LIN28B: variants seen among roughly 807,000 people sequenced by gnomAD.
LIN28B encodes lin-28 RNA binding posttranscriptional regulator B.
In LIN28B, 5 loss-of-function variants were observed where a neutral mutation model predicts 21.9. That is an observed-to-expected ratio of 0.23 (90% CI 0.12 to 0.48). The LOEUF is 0.48. LIN28B is among the 20% of genes least tolerant of loss of function. LIN28B has a pLI of 0.98. For missense variants in LIN28B, 245 were observed against 310.5 expected (o/e 0.79, Z 1.58); for synonymous variants, 109 against 111.3 (o/e 0.98, Z 0.13).
intron 2 of LIN28B, among the ~76,000 whole-genome samples, chr6:105,001,694 A>C (rs1770724306): frequency 6.6e-6 from 1 of 152,186 alleles, no homozygotes; most frequent in African/African-American, 2.4e-5. Flanking sequence ...GAAAGAAGTT[A>C]TGGGGAAATG....
chr6:104,942,011 G>A (rs1778101446), intron 2 of LIN28B, among the ~76,000 whole-genome samples: 1 of 152,158 alleles, frequency 6.6e-6, no homozygotes, highest in South Asian at 2.1e-4. Flanking sequence ...AATCTTAGGT[G>A]CCTGTGTTTC....
intron 2 of LIN28B, among the ~76,000 whole-genome samples, chr6:104,977,120 C>T (rs114334249): frequency 0.017 from 2,610 of 151,868 alleles, 75 homozygotes; most frequent in African/African-American, 0.06. Context: ...TCTTGTACTC[C>T]GAGACTCAAG....
intron 2 of LIN28B, among the ~76,000 whole-genome samples, chr6:105,016,613 C>T (rs75063696): frequency 1.3e-5 from 2 of 152,132 alleles, no homozygotes; most frequent in East Asian, 3.9e-4. Flanking sequence ...TTTCTGCCTC[C>T]CTCCCTCTTT....
intron 2 of LIN28B, among the ~76,000 whole-genome samples, chr6:104,967,576 C>CAAAAAAAAAAAA (rs71003462): frequency 1.6e-5 from 1 of 60,736 alleles, no homozygotes; most frequent in Non-Finnish European, 2.9e-5. Flanking sequence ...AACTCCCTCT[C>CAAAAAAAAAAAA]AAAAAAAAAA....
At chr6:104,954,764 CTG>C (rs1426556329), upstream of LIN28B, among the ~76,000 whole-genome samples, 5 of 152,198 alleles carry the variant, frequency 3.3e-5, no homozygotes, top group Admixed American at 2.6e-4. Context: ...TCAGGCAAGA[CTG>C]TGAATCTCAT....
At chr6:105,030,575 A>T (rs1771399187) in intron 3 of LIN28B, among the ~76,000 whole-genome samples, 1 of 148,820 alleles carries the variant, frequency 6.7e-6, no homozygotes, top group Non-Finnish European at 1.5e-5. Context: ...CTCTTGAATT[A>T]ATTTCTTTCT....
intron 2 of LIN28B, among the ~76,000 whole-genome samples, chr6:104,984,934 C>T (rs746310856): frequency 5.9e-5 from 9 of 152,122 alleles, no homozygotes; most frequent in Non-Finnish European, 1.2e-4. Context: ...ATTTTATCTG[C>T]ATTATTAACA....
In LIN28B at chr6:105,046,094, G is replaced by A. The variant is rs541248256; in HGVS notation, c.383+19612G>A. 9.2e-5 allele frequency among the ~76,000 whole-genome samples: 14 copies of A among 152,018 alleles called. No homozygotes were observed. In the South Asian group the frequency reaches 1.9e-3, roughly 20 times the overall value. ...AGGTTTGTTACATATGTATACATGCGCCATGTTGGTGTGCTGCATCCATTA... is the reference window on the plus strand; with the variant it reads ...AGGTTTGTTACATATGTATACATGCACCATGTTGGTGTGCTGCATCCATTA... On this transcript the variant is annotated intron_variant, in intron 3 of 3. Transcript: ENST00000345080.
intron 2 of LIN28B, among the ~76,000 whole-genome samples, chr6:104,961,193 T>C (rs1562072668): frequency 6.6e-6 from 1 of 152,188 alleles, no homozygotes; most frequent in Non-Finnish European, 1.5e-5. Flanking sequence ...ATTTTATTTT[T>C]AAAAAATTAA....
intron 2 of LIN28B, among the ~76,000 whole-genome samples, chr6:104,948,053 G>A (rs1276624274): frequency 6.6e-6 from 1 of 152,114 alleles, no homozygotes; most frequent in Non-Finnish European, 1.5e-5. Context: ...AGATCTAAAT[G>A]ATGAATGGAG....
At position 105,080,223 on chromosome 6, in the gene LIN28B, G is replaced by T. The variant is rs904232168; in HGVS notation, c.*1440G>T. On this transcript the variant is annotated 3_prime_UTR_variant, in exon 4 of 4. Transcript: ENST00000345080. The stretch of plus-strand genomic sequence containing the variant: ...TCATGGAAAAAAAAATTATTTTGGG[G>T]TCATCCTGGCTCTAGATGTTATGGG... 6.6e-6 allele frequency: 1 copy of T among 152,526 alleles called. No individual in the cohort carries two copies. Among genetic ancestry groups the T allele is most frequent in the Admixed American group, 6.5e-5 (1 of 15,268 alleles). 9.4% of individuals were successfully genotyped at this position (152,526 alleles called of 1,614,324 possible). A position where few individuals can be genotyped will look rare whatever the true frequency, so the allele number is the denominator to read the frequency against.
intron 2 of LIN28B, chr6:104,940,733 C>G (rs1778074205): frequency 6.6e-6 from 1 of 151,004 alleles, no homozygotes; most frequent in African/African-American, 2.4e-5. Flanking sequence ...CCCCGCCACT[C>G]GCCGGGCTGC....
intron 2 of LIN28B, among the ~76,000 whole-genome samples, chr6:104,948,879 A>G (rs1655079850): frequency 6.6e-6 from 1 of 152,170 alleles, no homozygotes; most frequent in Admixed American, 6.5e-5. Context: ...GAAAAATCTG[A>G]ATGTTATTGT....
chr6:105,058,102 T>A (rs1256623302), intron 3 of LIN28B: 1 of 412,096 alleles, frequency 2.4e-6, no homozygotes, highest in Non-Finnish European at 4.8e-6. Context: ...GACGGTGCAT[T>A]TTCTCTGAGG....
chr6:104,967,460 A>C (rs1349185758), intron 2 of LIN28B, among the ~76,000 whole-genome samples: 1 of 151,242 alleles, frequency 6.6e-6, no homozygotes, highest in East Asian at 2.0e-4. Context: ...ACATGCTTGT[A>C]ATCCCACCTA....
intron 3 of LIN28B, among the ~76,000 whole-genome samples, chr6:105,058,975 C>T (rs1175342280): frequency 2.0e-5 from 3 of 151,988 alleles, no homozygotes; most frequent in Non-Finnish European, 4.4e-5. Context: ...GAAATGAGTC[C>T]CCTAGGAAGA....
chr6:105,016,000 T>C (rs1275060666), intron 2 of LIN28B, among the ~76,000 whole-genome samples: 1 of 152,172 alleles, frequency 6.6e-6, no homozygotes, highest in Non-Finnish European at 1.5e-5. Context: ...AAATCAGAGA[T>C]ATTTTTATAA....
At chr6:105,033,399 C>T (rs1010861480) in intron 3 of LIN28B, among the ~76,000 whole-genome samples, 5 of 151,002 alleles carry the variant, frequency 3.3e-5, no homozygotes, top group Non-Finnish European at 7.4e-5. Flanking sequence ...CTCCCTGTGG[C>T]AAAAAAAATG....
chr6:105,045,952 A>C (rs1011153898), intron 3 of LIN28B, among the ~76,000 whole-genome samples: 1 of 152,012 alleles, frequency 6.6e-6, no homozygotes, highest in South Asian at 2.1e-4. Context: ...ATGGTTTTCT[A>C]TTTTTTCATA....
Sources: allele counts gnomAD v4.1 joint callset (sites outside exome capture counted in the v4.1 genomes callset), GRCh38; gene constraint gnomAD v4.1.1; transcripts MANE v1.5; gene names NCBI Gene and HGNC (gene_info 2026-07-23, HGNC 2026-07-21).